LHCGR: variants seen among roughly 807,000 people sequenced by gnomAD.
LHCGR encodes the protein lutropin-choriogonadotropic hormone receptor.
Under a neutral mutation model 60.7 loss-of-function variants are expected in LHCGR, and 55 were observed. The observed-to-expected ratio is 0.91, with a 90% confidence interval of 0.73 to 1.13. The LOEUF (loss-of-function observed/expected upper bound fraction) is 1.13, where lower values mean the gene tolerates loss of function less well. LHCGR is among the 50% of genes most tolerant of loss of function. LHCGR has a pLI of 0.00. For synonymous variants in LHCGR, 337 were observed against 316.5 expected (o/e 1.06, Z -0.69); for missense variants, 862 against 836.0 (o/e 1.03, Z -0.38).
intron 6 of LHCGR, among the ~76,000 whole-genome samples, chr2:48,718,289 A>C (rs1668352600): frequency 6.6e-6 from 1 of 152,174 alleles, no homozygotes; most frequent in African/African-American, 2.4e-5. Flanking sequence ...ATCACACAGA[A>C]TGGCACCTTT....
At chr2:48,729,304 G>A (rs1320491087) in intron 2 of LHCGR, 77 bp from the exon 3 acceptor site, 1 of 1,114,818 alleles carries the variant, frequency 9.0e-7, no homozygotes, top group Non-Finnish European at 1.4e-6. Flanking sequence ...TGAGCTATGT[G>A]TGTGACCCAA....
At chr2:48,708,148 G>A (rs898128081) in intron 8 of LHCGR, among the ~76,000 whole-genome samples, 1 of 152,086 alleles carries the variant, frequency 6.6e-6, no homozygotes. Context: ...GTTCCTATTC[G>A]GCCGTCTTGG....
chr2:48,705,212 CT>C (rs1667605761), intron 8 of LHCGR, among the ~76,000 whole-genome samples: 1 of 152,190 alleles, frequency 6.6e-6, no homozygotes, highest in African/African-American at 2.4e-5. Context: ...GAGTGAGTTT[CT>C]TAATCCTGAG....
chr2:48,723,369 T>A, intron 6 of LHCGR, 87 bp downstream of exon 6: 1 of 919,090 alleles, frequency 1.1e-6, no homozygotes, highest in Non-Finnish European at 1.8e-6. Flanking sequence ...AGGAATGTGG[T>A]AAAACATGAG....
chr2:48,688,811 C>T lies in LHCGR; in HGVS notation c.986G>A (p.Trp329Ter). Residue 329 changes from tryptophan to a stop codon, truncating the protein, a stop_gained, in exon 11 of 11, where the codon TGG becomes TAG. Transcript: ENST00000294954. LOFTEE classifies it high-confidence loss of function. This position sits in a 1 kb window ranked among gnomAD's most constrained non-coding sequence, Gnocchi z 5.2. The stretch of plus-strand genomic sequence containing the variant: ...TAAGCAGAAACCATATTCATAGTCC[C>T]AGCCACTCAGTTCACTCTCAGCAAG... ...SMLAESELSG[W>*]DYEYGFCLPK... The T allele has an allele frequency of 5.0e-6, 8 of 1,614,122 alleles. No individual in the cohort carries two copies. The highest frequency in any genetic ancestry group is 5.1e-6 in the Non-Finnish European group (6 of 1,180,012).
intron 1 of LHCGR, among the ~76,000 whole-genome samples, chr2:48,749,251 T>A (rs1317365245): frequency 2.0e-5 from 3 of 151,954 alleles, no homozygotes; most frequent in African/African-American, 7.3e-5. Flanking sequence ...AAGCTGGGAG[T>A]ACATGAGGAC....
At chr2:48,743,737 A>C (rs1404111192) in intron 1 of LHCGR, among the ~76,000 whole-genome samples, 11 of 152,088 alleles carry the variant, frequency 7.2e-5, no homozygotes, top group Non-Finnish European at 1.6e-4. Context: ...AGCCAATATC[A>C]TACTGAATGG....
chr2:48,699,653 T>C (rs1029183699), intron 8 of LHCGR, among the ~76,000 whole-genome samples: 1 of 152,074 alleles, frequency 6.6e-6, no homozygotes. Context: ...GGAAGCAGAA[T>C]GCATGTTCTC....
At chr2:48,692,405 T>C (rs1666895850) in intron 10 of LHCGR, among the ~76,000 whole-genome samples, 1 of 152,264 alleles carries the variant, frequency 6.6e-6, no homozygotes, top group South Asian at 2.1e-4. Context: ...TCCTTTCTTT[T>C]TTTGCCCTTC....
intron 2 of LHCGR, among the ~76,000 whole-genome samples, chr2:48,729,635 G>A (rs1458830031): frequency 1.3e-5 from 2 of 152,144 alleles, no homozygotes; most frequent in African/African-American, 2.4e-5. Flanking sequence ...ACTAGGATAT[G>A]GATCTCTGGG....
intron 2 of LHCGR, 63 bp downstream of exon 2, chr2:48,731,164 T>G (rs1319381225): frequency 5.2e-6 from 6 of 1,154,036 alleles, no homozygotes; most frequent in Non-Finnish European, 7.8e-6. Context: ...AAATGTGTTT[T>G]CTCTTAGAAA....
chr2:48,738,408 T>C (rs1669292587), intron 1 of LHCGR, among the ~76,000 whole-genome samples: 1 of 152,192 alleles, frequency 6.6e-6, no homozygotes. Context: ...ACCTGGACTA[T>C]TCTAGAGTCC....
chr2:48,750,108 G>A (rs1374901343), intron 1 of LHCGR, among the ~76,000 whole-genome samples: 2 of 152,146 alleles, frequency 1.3e-5, no homozygotes, highest in African/African-American at 4.8e-5. Context: ...AGGGAGGTGG[G>A]ACATAAACTT....
chr2:48,735,633 C>T (rs567823143), intron 1 of LHCGR, among the ~76,000 whole-genome samples: 141 of 152,306 alleles, frequency 9.3e-4, no homozygotes, highest in African/African-American at 3.3e-3. Flanking sequence ...GGCCCCTTGG[C>T]ACAGACGGTG....
At position 48,688,973 on chromosome 2, in the gene LHCGR, A is replaced by G. The variant is rs752137362; in HGVS notation, c.948-124T>C. ...AAAGCCATAATAGCCTCAGCCTTACATTTATTTGTTAAATTATTTGAGAAC... is the reference window on the plus strand; with the variant it reads ...AAAGCCATAATAGCCTCAGCCTTACGTTTATTTGTTAAATTATTTGAGAAC... On this transcript the variant is annotated intron_variant, in intron 10 of 10. Coordinates refer to ENST00000294954, the MANE Select transcript of LHCGR (RefSeq NM_000233.4). The surrounding 1 kb of genome is among the most constrained non-coding windows in gnomAD (Gnocchi z 5.2). The G allele has an allele frequency of 4.3e-5, 36 of 844,332 alleles. No homozygotes were observed. Among genetic ancestry groups the G allele is most frequent in the Non-Finnish European group, 6.2e-5 (33 of 533,220 alleles). 52.3% of individuals were successfully genotyped at this position (844,332 alleles called of 1,614,324 possible).
At chr2:48,704,675 A>G (rs976593685) in intron 8 of LHCGR, among the ~76,000 whole-genome samples, 9 of 152,106 alleles carry the variant, frequency 5.9e-5, no homozygotes, top group African/African-American at 1.9e-4. Context: ...GTTTATTTGC[A>G]TAGAGGTGTT....
chr2:48,742,694 T>G (rs1669515418), intron 1 of LHCGR, among the ~76,000 whole-genome samples: 1 of 151,018 alleles, frequency 6.6e-6, no homozygotes, highest in African/African-American at 2.4e-5. Flanking sequence ...TTCAAAGCAG[T>G]GTGTAGAGGG....
chr2:48,688,202 A>G lies in LHCGR; in HGVS notation c.1595T>C (p.Leu532Pro). 1 of 1,614,208 alleles carries G rather than the reference A, an allele frequency of 6.2e-7. No homozygotes were observed. The highest frequency in any genetic ancestry group is 8.5e-7 in the Non-Finnish European group (1 of 1,180,024). ...GAAGAAGGCCACCACATTGAGAATC[A>G]GGATGGTTAATATATAGACTTGTGA... ...TLSQVYILTI[L>P]ILNVVAFFII... Residue 532 changes from leucine to proline, a missense_variant, in exon 11 of 11, where the codon CTG becomes CCG. Transcript: ENST00000294954. This position sits in a 1 kb window ranked among gnomAD's most constrained non-coding sequence, Gnocchi z 5.2.
At chr2:48,719,629 G>T (rs1668417210) in intron 6 of LHCGR, among the ~76,000 whole-genome samples, 1 of 152,158 alleles carries the variant, frequency 6.6e-6, no homozygotes. Context: ...AACCAAAGTG[G>T]CTATAAAGGG....
Sources: gnomAD v4.1 joint callset for allele counts (sites outside exome capture counted in the v4.1 genomes callset) on GRCh38, gnomAD v4.1.1 for gene constraint, Gnocchi (gnomAD v3.1) non-coding constraint, MANE v1.5 for transcripts, NCBI Gene and HGNC (gene_info 2026-07-23, HGNC 2026-07-21) for gene names.